The following TAFA5 variants were observed in gnomAD, a reference collection of about 807,000 sequenced individuals.
The protein encoded by TAFA5 is chemokine-like protein TAFA-5.
TAFA5 carries 6 observed loss-of-function variants against 15.3 expected under a neutral mutation model. The observed-to-expected ratio is 0.39, with a 90% CI of 0.21 to 0.77. TAFA5 has a LOEUF of 0.77. Ranked by LOEUF, TAFA5 falls within the 30% of genes least tolerant of loss-of-function variation. The pLI, the probability that TAFA5 is intolerant of heterozygous loss-of-function variation, is 0.41. For missense variants in TAFA5, 161 were observed against 193.1 expected (o/e 0.83, Z 0.98); for synonymous variants, 103 against 80.7 (o/e 1.28, Z -1.48).
At chr22:48,639,665 C>A (rs1926602714) in intron 1 of TAFA5, among the ~76,000 whole-genome samples, 1 of 152,220 alleles carries the variant, frequency 6.6e-6, no homozygotes, top group Non-Finnish European at 1.5e-5. Flanking sequence ...ACTGCCCCAC[C>A]AGCCCCCGCC....
At chr22:48,719,990 A>G (rs1179232864) in intron 3 of TAFA5, among the ~76,000 whole-genome samples, 1 of 152,182 alleles carries the variant, frequency 6.6e-6, no homozygotes, top group Non-Finnish European at 1.5e-5. Context: ...GAGACGTGAC[A>G]CGCTGGGCGC....
chr22:48,653,658 T>C (rs1367459731), intron 2 of TAFA5, among the ~76,000 whole-genome samples: 1 of 151,690 alleles, frequency 6.6e-6, no homozygotes, highest in African/African-American at 2.4e-5. Flanking sequence ...CTCGGTGCGT[T>C]TAATTGTTGG....
intron 1 of TAFA5, among the ~76,000 whole-genome samples, chr22:48,578,605 G>A (rs1389477153): frequency 6.6e-6 from 1 of 152,214 alleles, no homozygotes; most frequent in Non-Finnish European, 1.5e-5. Context: ...GGGGTCAGCT[G>A]TACGCTGAGG....
In TAFA5 at chr22:48,576,973, G is replaced by A. The variant is rs539628031; in HGVS notation, c.113-69624G>A. Among the ~76,000 whole-genome samples, 169 of 152,252 alleles carry A rather than the reference G, an allele frequency of 1.1e-3. 1 individual carries two copies. In the Middle Eastern group the frequency reaches 0.014, roughly 12 times the overall value. On this transcript the variant is annotated intron_variant, in intron 1 of 3. Transcript: ENST00000402357. ...GCTCCACGGTGGCCGGCCGGGCTGG[G>A]GCGGGAGCGGAGCTGGGACCCGCCA...
chr22:48,701,553 G>A (rs555770111), intron 2 of TAFA5, among the ~76,000 whole-genome samples: 9 of 151,902 alleles, frequency 5.9e-5, no homozygotes, highest in Admixed American at 2.0e-4. Context: ...CCTTTAACTC[G>A]GTCCCTGTCA....
At chr22:48,726,771 C>T (rs1287460156) in intron 3 of TAFA5, among the ~76,000 whole-genome samples, 2 of 152,212 alleles carry the variant, frequency 1.3e-5, no homozygotes, top group Non-Finnish European at 2.9e-5. Flanking sequence ...AAAAAGCTTG[C>T]AGTTTATATG....
At chr22:48,538,818 G>A (rs889366059) in intron 1 of TAFA5, 1 of 153,866 alleles carries the variant, frequency 6.5e-6, no homozygotes, top group Non-Finnish European at 1.4e-5. Flanking sequence ...CTAGGATCAA[G>A]GGTGCAGGGA....
intron 1 of TAFA5, among the ~76,000 whole-genome samples, chr22:48,573,135 A>T (rs530082185): frequency 1.5e-4 from 23 of 152,234 alleles, no homozygotes; most frequent in African/African-American, 4.8e-4. Context: ...TTGGGGGAAG[A>T]CACACCCACC....
intron 1 of TAFA5, among the ~76,000 whole-genome samples, chr22:48,519,442 G>A (rs1354257141): frequency 1.3e-5 from 2 of 152,342 alleles, no homozygotes; most frequent in East Asian, 3.9e-4. Flanking sequence ...CTCCAGGGCG[G>A]CCCCTCATGC....
At chr22:48,578,989 G>A (rs1923927953) in intron 1 of TAFA5, among the ~76,000 whole-genome samples, 1 of 152,246 alleles carries the variant, frequency 6.6e-6, no homozygotes, top group Non-Finnish European at 1.5e-5. Context: ...TGTTGTCTGG[G>A]CCTGAGTGGG....
At chr22:48,618,209 G>T (rs1925681572) in intron 1 of TAFA5, among the ~76,000 whole-genome samples, 1 of 152,130 alleles carries the variant, frequency 6.6e-6, no homozygotes, top group South Asian at 2.1e-4. Context: ...TGGGGCTCTG[G>T]AAGTCTCTAC....
At chr22:48,646,848 C>T (rs1926884757) in intron 2 of TAFA5, 102 bp downstream of exon 2, 1 of 1,378,676 alleles carries the variant, frequency 7.3e-7, no homozygotes. Flanking sequence ...CCCCCTAGGC[C>T]TCAGCGCATC....
At chr22:48,674,329 C>T (rs1334581259) in intron 2 of TAFA5, among the ~76,000 whole-genome samples, 1 of 145,228 alleles carries the variant, frequency 6.9e-6, no homozygotes, top group Non-Finnish European at 1.5e-5. Flanking sequence ...CAGGGCAGGG[C>T]TTTTGTTCCG....
At chr22:48,533,774 T>C (rs1188670108) in intron 1 of TAFA5, among the ~76,000 whole-genome samples, 1 of 152,212 alleles carries the variant, frequency 6.6e-6, no homozygotes, top group Non-Finnish European at 1.5e-5. Context: ...CCCAAACCTT[T>C]TTTTTTCCTT....
chr22:48,701,273 G>T (rs747235163), intron 2 of TAFA5, among the ~76,000 whole-genome samples: 2 of 152,106 alleles, frequency 1.3e-5, no homozygotes, highest in African/African-American at 4.8e-5. Flanking sequence ...CCCTGCATGC[G>T]TGTCCTCCAG....
At chr22:48,666,057 C>T (rs6010573) in intron 2 of TAFA5, among the ~76,000 whole-genome samples, 1 of 152,202 alleles carries the variant, frequency 6.6e-6, no homozygotes, top group Non-Finnish European at 1.5e-5. Context: ...GGTCCCCGGC[C>T]TGGTGGTCTT....
chr22:48,641,532 C>T (rs1004553871), intron 1 of TAFA5, among the ~76,000 whole-genome samples: 1 of 151,512 alleles, frequency 6.6e-6, no homozygotes, highest in Non-Finnish European at 1.5e-5. Flanking sequence ...CCCCTCCCCA[C>T]TGCACTCCCT....
chr22:48,557,733 G>C (rs922803223), intron 1 of TAFA5, among the ~76,000 whole-genome samples: 1 of 152,216 alleles, frequency 6.6e-6, no homozygotes, highest in Non-Finnish European at 1.5e-5. Context: ...AGCCCCCACA[G>C]CACCCCTTCC....
intron 2 of TAFA5, among the ~76,000 whole-genome samples, chr22:48,689,374 C>T (rs1601674001): frequency 6.6e-6 from 1 of 152,152 alleles, no homozygotes; most frequent in East Asian, 1.9e-4. Context: ...TCTGCCTTGT[C>T]CTCAGGCTCT....
Sources: allele counts gnomAD v4.1 joint callset (sites outside exome capture counted in the v4.1 genomes callset), GRCh38; gene constraint gnomAD v4.1.1; transcripts MANE v1.5; gene names NCBI Gene and HGNC (gene_info 2026-07-23, HGNC 2026-07-21).